M1AP: variants seen among roughly 807,000 people sequenced by gnomAD.
The protein encoded by M1AP is meiosis 1 arrest protein.
A neutral mutation model predicts 51.2 loss-of-function variants in M1AP; 39 were observed. The ratio of observed to expected loss-of-function variants is 0.76; its 90% CI spans 0.59 to 1.00. The LOEUF is 1.00. Among genes scored for constraint, M1AP ranks in the 50% least tolerant of loss-of-function variants. M1AP has a pLI of 0.00. For synonymous variants in M1AP, 251 were observed against 249.2 expected (o/e 1.01, Z -0.07); for missense variants, 545 against 641.2 (o/e 0.85, Z 1.62).
At chr2:74,619,721 C>G (rs1681892781) in intron 2 of M1AP, among the ~76,000 whole-genome samples, 1 of 152,180 alleles carries the variant, frequency 6.6e-6, no homozygotes, top group Non-Finnish European at 1.5e-5. Context: ...TAGTGTTCAT[C>G]TCACTGTGAA....
At position 74,602,218 on chromosome 2, in the gene M1AP, A is replaced by G. The variant is rs537621485; in HGVS notation, c.595+4837T>C. 1.4e-4 allele frequency among the ~76,000 whole-genome samples: 22 copies of G among 152,256 alleles called. 1 individual carries two copies. The East Asian group carries it at 4.2e-3, about 29-fold the overall frequency. ...ACACAAATCATTTGTTTTTTTTTCA[A>G]TCATTCATTTGTTTTGTCAAAAAAC... On this transcript the variant is annotated intron_variant, in intron 4 of 10. Coordinates refer to ENST00000421985, the MANE Select transcript of M1AP (RefSeq NM_001321739.2).
chr2:74,583,017 A>AAAAT (rs1355899637), intron 4 of M1AP, among the ~76,000 whole-genome samples: 3 of 151,914 alleles, frequency 2.0e-5, no homozygotes, highest in African/African-American at 7.2e-5. Flanking sequence ...TCTCAAAAGA[A>AAAAT]AAATAAATAA....
chr2:74,603,701 C>T (rs1167081844), intron 4 of M1AP, among the ~76,000 whole-genome samples: 1 of 152,160 alleles, frequency 6.6e-6, no homozygotes, highest in Non-Finnish European at 1.5e-5. Flanking sequence ...TGAGAGCTCA[C>T]AAATCACATG....
intron 5 of M1AP, among the ~76,000 whole-genome samples, chr2:74,580,570 C>A (rs1679341634): frequency 1.3e-5 from 2 of 152,154 alleles, no homozygotes; most frequent in Non-Finnish European, 2.9e-5. Context: ...TGTAGTAACA[C>A]CTCCAAAAAG....
chr2:74,640,523 C>T (rs1010274977), intron 1 of M1AP, among the ~76,000 whole-genome samples, 196 bp from the exon 2 acceptor site: 1 of 147,360 alleles, frequency 6.8e-6, no homozygotes, highest in African/African-American at 2.5e-5. Context: ...CGCAGTGGTG[C>T]GATCTTGGCT....
intron 5 of M1AP, 176 bp from the exon 6 acceptor site, chr2:74,576,794 T>C: frequency 7.8e-7 from 1 of 1,274,610 alleles, no homozygotes; most frequent in Non-Finnish European, 1.0e-6. Context: ...CCTGACTGGT[T>C]TGGAAAGGGA....
chr2:74,591,601 T>C (rs574988358), intron 4 of M1AP, among the ~76,000 whole-genome samples: 2 of 152,262 alleles, frequency 1.3e-5, no homozygotes, highest in South Asian at 4.1e-4. Flanking sequence ...TTAAATCTTT[T>C]GACATGACCC....
intron 3 of M1AP, among the ~76,000 whole-genome samples, chr2:74,608,262 T>C (rs1681132072): frequency 6.6e-6 from 1 of 152,194 alleles, no homozygotes; most frequent in Non-Finnish European, 1.5e-5. Flanking sequence ...TCCTCAACCC[T>C]TGGCAACCAT....
At chr2:74,630,534 C>A (rs888807848) in intron 2 of M1AP, among the ~76,000 whole-genome samples, 3 of 152,128 alleles carry the variant, frequency 2.0e-5, no homozygotes, top group African/African-American at 7.2e-5. Context: ...TCACTGTGTC[C>A]ATGTGTTCTC....
At chr2:74,599,832 ATT>A (rs386390483) in intron 4 of M1AP, among the ~76,000 whole-genome samples, 3 of 144,308 alleles carry the variant, frequency 2.1e-5, no homozygotes, top group Admixed American at 7.0e-5. Flanking sequence ...CTCTGACAGG[ATT>A]TTTTTTTTTT....
In M1AP at chr2:74,562,260, A is replaced by G. The variant is rs1439865365; in HGVS notation, c.1238T>C (p.Leu413Pro). ...ATCATCATGTGGGTCCTCAGGTAGC[A>G]GGGGGAAGGTGCTGGGCAGCATCAG... Reference protein sequence around the residue: ...RELMLPSTFPLLPEDPHDDSL... With the variant: ...RELMLPSTFPPLPEDPHDDSL... Residue 413 changes from leucine to proline, a missense_variant, in exon 8 of 11, where the codon CTG becomes CCG. Leu to Pro is a moderately conservative substitution (Grantham distance 98). Coordinates refer to ENST00000421985, the MANE Select transcript of M1AP (RefSeq NM_001321739.2). The G allele has an allele frequency of 6.2e-7, 1 of 1,614,054 alleles. No individual in the cohort carries two copies. The highest frequency in any genetic ancestry group is 1.7e-5 in the Admixed American group (1 of 60,016).
At chr2:74,645,337 C>T (rs1027685702) in intron 1 of M1AP, among the ~76,000 whole-genome samples, 110 of 152,204 alleles carry the variant, frequency 7.2e-4, no homozygotes, top group African/African-American at 2.6e-3. Flanking sequence ...TCCGCGGCTT[C>T]ATTCTTGAAG....
intron 8 of M1AP, 47 bp from the exon 9 acceptor site, chr2:74,560,338 G>C (rs773310872): frequency 9.1e-6 from 14 of 1,533,790 alleles, no homozygotes; most frequent in Non-Finnish European, 1.2e-5. Flanking sequence ...TAAGATCACA[G>C]AACACAAGAT....
intron 2 of M1AP, among the ~76,000 whole-genome samples, chr2:74,634,713 A>C (rs977587577): frequency 1.3e-5 from 2 of 152,174 alleles, no homozygotes; most frequent in African/African-American, 4.8e-5. Context: ...TGGACGTTGA[A>C]CTTTGTCAAA....
At chr2:74,562,544 T>C in intron 7 of M1AP, 121 bp from the exon 8 acceptor site, 2 of 1,033,520 alleles carry the variant, frequency 1.9e-6, no homozygotes, top group Admixed American at 5.1e-5. Context: ...GCCATTTAAC[T>C]TCGGCCCTGG....
intron 2 of M1AP, among the ~76,000 whole-genome samples, chr2:74,635,251 T>C (rs1178676793): frequency 6.6e-6 from 1 of 152,122 alleles, no homozygotes; most frequent in Admixed American, 6.5e-5. Context: ...TCATCTAAGT[T>C]GTTAGATTTA....
chr2:74,595,477 G>A (rs767535202), intron 4 of M1AP, among the ~76,000 whole-genome samples: 1 of 151,880 alleles, frequency 6.6e-6, no homozygotes, highest in Non-Finnish European at 1.5e-5. Flanking sequence ...TCAGCCTCCC[G>A]AGTAGCGGGG....
chr2:74,606,559 T>C (rs1002282553), intron 4 of M1AP, among the ~76,000 whole-genome samples: 1 of 152,018 alleles, frequency 6.6e-6, no homozygotes, highest in Non-Finnish European at 1.5e-5. Flanking sequence ...ATCTATAAAA[T>C]ATTGAGTGTT....
At chr2:74,636,839 A>C (rs1252807871) in intron 2 of M1AP, among the ~76,000 whole-genome samples, 2 of 152,122 alleles carry the variant, frequency 1.3e-5, no homozygotes, top group African/African-American at 4.8e-5. Flanking sequence ...TCAGACTCTC[A>C]AAGTGCTAAG....
Sources: allele counts gnomAD v4.1 joint callset (sites outside exome capture counted in the v4.1 genomes callset), GRCh38; gene constraint gnomAD v4.1.1; transcripts MANE v1.5; gene names NCBI Gene and HGNC (gene_info 2026-07-23, HGNC 2026-07-21).